Variants in PRELID2 observed in about 807,000 individuals in gnomAD.
The protein encoded by PRELID2 is PRELI domain containing 2, also known as PRELI domain-containing protein 2.
A neutral mutation model predicts 28.4 loss-of-function variants in PRELID2; 25 were observed. That is an observed-to-expected ratio of 0.88 (90% CI 0.64 to 1.23). The LOEUF (loss-of-function observed/expected upper bound fraction) is 1.23, where lower values mean the gene tolerates loss of function less well. Among genes scored for constraint, PRELID2 ranks in the 50% most tolerant of loss-of-function variants. The probability of loss-of-function intolerance (pLI) is 0.00; values close to 1 mark genes in which losing one functional copy is unlikely to be tolerated. For missense variants in PRELID2, 201 were observed against 214.4 expected (o/e 0.94, Z 0.39); for synonymous variants, 76 against 71.6 (o/e 1.06, Z -0.31).
intron 1 of PRELID2, among the ~76,000 whole-genome samples, chr5:145,554,690 T>C (rs1752865526): frequency 6.6e-6 from 1 of 152,218 alleles, no homozygotes; most frequent in African/African-American, 2.4e-5. Flanking sequence ...TCTTTTATAA[T>C]CAGAAAGCCT....
intron 4 of PRELID2, among the ~76,000 whole-genome samples, chr5:145,803,244 C>A (rs1753260261): frequency 6.6e-6 from 1 of 152,144 alleles, no homozygotes; most frequent in Admixed American, 6.5e-5. Context: ...TGACTCACTG[C>A]TGCTCCAGGA....
chr5:145,411,281 C>G, the PRELID2 span, among the ~76,000 whole-genome samples: 1 of 152,114 alleles, frequency 6.6e-6, no homozygotes, highest in South Asian at 2.1e-4. Flanking sequence ...ATAAAGCCAT[C>G]AGATCTCATG....
intron 2 of PRELID2, 118 bp downstream of exon 2, chr5:145,822,959 T>A: frequency 1.8e-6 from 1 of 557,162 alleles, no homozygotes; most frequent in Non-Finnish European, 3.3e-6. Context: ...TGGAAGAAAC[T>A]GCAGGTGAAC....
At chr5:145,663,527 T>C (rs1263649231) in intron 1 of PRELID2, among the ~76,000 whole-genome samples, 1 of 152,176 alleles carries the variant, frequency 6.6e-6, no homozygotes, top group African/African-American at 2.4e-5. Context: ...GCTGTGAACA[T>C]TCATGCAGAA....
At chr5:145,340,758 C>T in the PRELID2 span, among the ~76,000 whole-genome samples, 2 of 107,840 alleles carry the variant, frequency 1.9e-5, no homozygotes, top group African/African-American at 7.0e-5. Flanking sequence ...TGAGACCCTG[C>T]CTAAAAATAT....
chr5:145,294,498 A>T, the PRELID2 span, among the ~76,000 whole-genome samples: 7 of 152,168 alleles, frequency 4.6e-5, no homozygotes, highest in Non-Finnish European at 5.9e-5. Context: ...CAGTTCTACA[A>T]TTCCATTGCT....
intron 1 of PRELID2, among the ~76,000 whole-genome samples, chr5:145,634,765 A>C (rs575624923): frequency 6.6e-6 from 1 of 152,210 alleles, no homozygotes; most frequent in Non-Finnish European, 1.5e-5. Context: ...TCTCCATAAC[A>C]GTACCTGGCA....
At chr5:145,266,852 A>G in the PRELID2 span, among the ~76,000 whole-genome samples, 1 of 152,114 alleles carries the variant, frequency 6.6e-6, no homozygotes, top group Non-Finnish European at 1.5e-5. Flanking sequence ...TACTCAGCCA[A>G]CAAAGGAACA....
In PRELID2 at chr5:145,605,297, T is replaced by C. The variant is rs535092842; in HGVS notation, n.71-131982A>G. On this transcript the variant is annotated intron_variant and non_coding_transcript_variant, in intron 1 of 2. Coordinates refer to the PRELID2 transcript ENST00000510259. ...CCTAGGGTATCTTCCAGGGTTTTTA[T>C]AGCTTTAGGTTTTACATCTATATCT... 1.7e-3 allele frequency among the ~76,000 whole-genome samples: 266 copies of C among 152,284 alleles called. 2 individuals are homozygous for C. Among genetic ancestry groups the C allele is most frequent in the Middle Eastern group, 3.4e-3 (1 of 294 alleles).
chr5:145,317,111 G>A, the PRELID2 span, among the ~76,000 whole-genome samples: 1 of 152,220 alleles, frequency 6.6e-6, no homozygotes, highest in Non-Finnish European at 1.5e-5. Flanking sequence ...GTCACAGACT[G>A]TTGGAAGGCT....
the PRELID2 span, among the ~76,000 whole-genome samples, chr5:145,370,331 T>C: frequency 6.6e-6 from 1 of 152,082 alleles, no homozygotes; most frequent in African/African-American, 2.4e-5. Context: ...GTTTATTTTT[T>C]TCTGCATATG....
At chr5:145,361,258 T>A in the PRELID2 span, among the ~76,000 whole-genome samples, 1 of 152,328 alleles carries the variant, frequency 6.6e-6, no homozygotes, top group African/African-American at 2.4e-5. Flanking sequence ...TAAATTATAA[T>A]CAGCCCTTAA....
At chr5:145,436,592 T>TTTTTTG in the PRELID2 span, among the ~76,000 whole-genome samples, 26 of 152,252 alleles carry the variant, frequency 1.7e-4, no homozygotes, top group South Asian at 6.2e-4. Flanking sequence ...CCAGCATTTG[T>TTTTTTG]TTTTTGTTTT....
the PRELID2 span, among the ~76,000 whole-genome samples, chr5:145,465,116 A>G: frequency 6.6e-6 from 1 of 152,106 alleles, no homozygotes; most frequent in Admixed American, 6.6e-5. Context: ...AGTACTTTTC[A>G]TGGCCTCCTA....
the PRELID2 span, among the ~76,000 whole-genome samples, chr5:145,346,847 A>C: frequency 6.6e-6 from 1 of 152,140 alleles, no homozygotes; most frequent in Non-Finnish European, 1.5e-5. Context: ...CATGCCAGAA[A>C]GGAAGAACAT....
chr5:145,375,162 T>G, the PRELID2 span, among the ~76,000 whole-genome samples: 1 of 151,982 alleles, frequency 6.6e-6, no homozygotes, highest in Non-Finnish European at 1.5e-5. Context: ...GAATGCAGTT[T>G]TTGTGGGGGC....
chr5:145,472,689 C>T (rs1752065253), intron 2 of PRELID2, among the ~76,000 whole-genome samples: 1 of 152,116 alleles, frequency 6.6e-6, no homozygotes, highest in African/African-American at 2.4e-5. Context: ...AAATGTAACT[C>T]CTCTAGACTC....
chr5:145,340,340 C>T, the PRELID2 span, among the ~76,000 whole-genome samples: 527 of 152,236 alleles, frequency 3.5e-3, 1 homozygote, highest in African/African-American at 0.011. Flanking sequence ...GCATGGGTTC[C>T]GGTAGGTTGC....
intron 1 of PRELID2, among the ~76,000 whole-genome samples, chr5:145,712,423 C>A (rs1234977076): frequency 3.9e-5 from 6 of 152,078 alleles, no homozygotes; most frequent in Admixed American, 3.9e-4. Context: ...TTGAAATTGG[C>A]AAGGGTAGAA....
Sources: gnomAD v4.1 joint callset for allele counts (sites outside exome capture counted in the v4.1 genomes callset) on GRCh38, gnomAD v4.1.1 for gene constraint, MANE v1.5 for transcripts, NCBI Gene and HGNC (gene_info 2026-07-23, HGNC 2026-07-21) for gene names.